LRRC4C: variants seen among roughly 807,000 people sequenced by gnomAD.
The protein encoded by LRRC4C is leucine rich repeat containing 4C, also known as leucine-rich repeat-containing protein 4C.
Under a neutral mutation model 33.6 loss-of-function variants are expected in LRRC4C, and 5 were observed. The observed-to-expected ratio is 0.15, with a 90% CI of 0.08 to 0.31. The LOEUF (loss-of-function observed/expected upper bound fraction) is 0.31. Among genes scored for constraint, LRRC4C ranks in the 10% least tolerant of loss-of-function variants. The probability of loss-of-function intolerance (pLI) is 1.00; values close to 1 mark genes in which losing one functional copy is unlikely to be tolerated. For synonymous variants in LRRC4C, 329 were observed against 302.0 expected, an observed-to-expected ratio of 1.09 and a Z score of -0.93; for missense variants, 560 against 796.7, an observed-to-expected ratio of 0.70 and a Z score of 3.58.
intron 2 of LRRC4C, among the ~76,000 whole-genome samples, chr11:40,894,876 A>G (rs1955870127): frequency 6.6e-6 from 1 of 151,732 alleles, no homozygotes; most frequent in African/African-American, 2.4e-5. Context: ...TACATATTAT[A>G]CTCTGCCTTG....
At chr11:41,363,888 C>A (rs1461806363) in intron 1 of LRRC4C, among the ~76,000 whole-genome samples, 2 of 152,270 alleles carry the variant, frequency 1.3e-5, no homozygotes, top group African/African-American at 4.8e-5. Flanking sequence ...GTCACTTCAA[C>A]ATTAGTCTCA....
chr11:40,275,148 C>T (rs1396017246), intron 4 of LRRC4C, among the ~76,000 whole-genome samples: 1 of 152,118 alleles, frequency 6.6e-6, no homozygotes, highest in East Asian at 1.9e-4. Flanking sequence ...TAACAAGAGT[C>T]TGTCTTTTAA....
Position 40,319,002 on chromosome 11 carries a change from C to T in LRRC4C, c.-176+626G>A, listed in dbSNP as rs186554334. On this transcript the variant is annotated intron_variant, in intron 4 of 6. Coordinates refer to ENST00000528697, the MANE Select transcript of LRRC4C (RefSeq NM_001258419.2). ...TCCATTACCCAGGAGAAATTATCTT[C>T]GTGTGCTGTTAGGTTAAGAAAATCC... Among the ~76,000 whole-genome samples the T allele has an allele frequency of 3.2e-4, 48 of 152,214 alleles. No individual in the cohort carries two copies. The South Asian group carries it at 3.5e-3, about 11-fold the overall frequency.
intron 5 of LRRC4C, among the ~76,000 whole-genome samples, chr11:40,165,374 A>G (rs1565077060): frequency 6.6e-6 from 1 of 152,030 alleles, no homozygotes; most frequent in African/African-American, 2.4e-5. Flanking sequence ...TGAGTGGCAG[A>G]GTGTGTGTAT....
intron 3 of LRRC4C, among the ~76,000 whole-genome samples, chr11:40,410,690 T>C (rs1169943582): frequency 2.0e-5 from 3 of 152,122 alleles, no homozygotes; most frequent in Non-Finnish European, 4.4e-5. Flanking sequence ...CTCATCACCA[T>C]ACTGGTGGCA....
At position 40,184,907 on chromosome 11, in the gene LRRC4C, C is replaced by A. The variant is rs572553205; in HGVS notation, c.-95-44054G>T. 3.9e-5 allele frequency among the ~76,000 whole-genome samples: 6 copies of A among 152,320 alleles called. No homozygotes were observed. In the East Asian group the frequency reaches 1.2e-3, roughly 29 times the overall value. ...CTCACAGGCTGCCTCCTTTCTGCTGCGCTTCCTGCTACAAATCCCTATTTA... is the reference window on the plus strand; with the variant it reads ...CTCACAGGCTGCCTCCTTTCTGCTGAGCTTCCTGCTACAAATCCCTATTTA... On this transcript the variant is annotated intron_variant, in intron 5 of 6. Transcript: ENST00000528697.
intron 1 of LRRC4C, among the ~76,000 whole-genome samples, chr11:40,950,351 G>A (rs940272872): frequency 3.3e-5 from 5 of 152,120 alleles, no homozygotes; most frequent in South Asian, 2.1e-4. Context: ...AATGCTCTCT[G>A]CTATTAGAAA....
intron 3 of LRRC4C, among the ~76,000 whole-genome samples, chr11:40,562,692 G>T (rs925169758): frequency 1.3e-5 from 2 of 152,052 alleles, no homozygotes; most frequent in Non-Finnish European, 2.9e-5. Flanking sequence ...TCTTCAAGAG[G>T]AAACCTGCCC....
chr11:40,476,342 C>CTTTTTT (rs71308392), intron 3 of LRRC4C, among the ~76,000 whole-genome samples: 35 of 81,344 alleles, frequency 4.3e-4, no homozygotes, highest in Non-Finnish European at 5.5e-4. Flanking sequence ...TTTTTTTCTT[C>CTTTTTT]TTTTTTTTTT....
In LRRC4C at chr11:40,205,905, T is replaced by C. The variant is rs148362111; in HGVS notation, c.-96+35614A>G. Among the ~76,000 whole-genome samples, 24 of 152,342 alleles carry C rather than the reference T, an allele frequency of 1.6e-4. No homozygotes were observed. The East Asian group carries it at 4.4e-3, about 28-fold the overall frequency. ...CTTTTTCTTTCTAAAAAGGTATTAC[T>C]TGAGCAATCTCTGTTGCTCCTTTTT... On this transcript the variant is annotated intron_variant, in intron 5 of 6. Transcript: ENST00000528697.
chr11:40,731,990 G>A lies in LRRC4C; in HGVS notation c.-406-83712C>T, dbSNP rs576351686. On this transcript the variant is annotated intron_variant, in intron 2 of 6. Transcript: ENST00000528697. ...TTGAAAAGTTCTTTAAAAAAATCAA[G>A]CAGACAATCTTCTATCCTAGGAACA... Among the ~76,000 whole-genome samples the A allele has an allele frequency of 1.8e-4, 28 of 151,552 alleles. No homozygotes were observed. The South Asian group carries it at 5.0e-3, about 27-fold the overall frequency.
chr11:40,988,786 G>C (rs1213595125), intron 1 of LRRC4C, among the ~76,000 whole-genome samples: 1 of 138,982 alleles, frequency 7.2e-6, no homozygotes, highest in Non-Finnish European at 1.5e-5. Flanking sequence ...GGGAGATCTC[G>C]GCCCACTGCA....
chr11:41,158,989 G>T (rs10430984), intron 1 of LRRC4C, among the ~76,000 whole-genome samples: 7,508 of 152,158 alleles, frequency 0.049, 210 homozygotes, highest in East Asian at 0.07. Context: ...ATTCCTGCAA[G>T]TTAAAACTCA....
intron 2 of LRRC4C, among the ~76,000 whole-genome samples, chr11:40,725,733 T>G (rs1306118308): frequency 6.6e-6 from 1 of 152,180 alleles, no homozygotes. Context: ...TGCCTGTACA[T>G]GCCTACATAT....
intron 1 of LRRC4C, among the ~76,000 whole-genome samples, chr11:41,399,443 C>T (rs1270423713): frequency 6.6e-6 from 1 of 151,886 alleles, no homozygotes; most frequent in East Asian, 1.9e-4. Flanking sequence ...CATGAAATTA[C>T]AGTACAAAGG....
chr11:40,301,904 T>C (rs1335186030), intron 4 of LRRC4C, among the ~76,000 whole-genome samples: 2 of 152,176 alleles, frequency 1.3e-5, no homozygotes, highest in Non-Finnish European at 2.9e-5. Flanking sequence ...TGTAGACTTA[T>C]GAAAAAATCA....
At chr11:41,176,541 G>GA (rs1421700891) in intron 1 of LRRC4C, among the ~76,000 whole-genome samples, 36 of 151,920 alleles carry the variant, frequency 2.4e-4, no homozygotes, top group African/African-American at 8.2e-4. Context: ...ATATAGCAGT[G>GA]AAAAAATACT....
At chr11:41,030,213 G>A (rs1856632978) in intron 1 of LRRC4C, among the ~76,000 whole-genome samples, 1 of 151,868 alleles carries the variant, frequency 6.6e-6, no homozygotes, top group Non-Finnish European at 1.5e-5. Flanking sequence ...GCAGAGCTGT[G>A]CAGAAAACAA....
intron 2 of LRRC4C, among the ~76,000 whole-genome samples, chr11:40,800,701 C>T (rs773346647): frequency 6.6e-6 from 1 of 152,114 alleles, no homozygotes; most frequent in Non-Finnish European, 1.5e-5. Flanking sequence ...CTATACCACA[C>T]TGAATGCCAC....
Sources: allele counts gnomAD v4.1 joint callset (sites outside exome capture counted in the v4.1 genomes callset), GRCh38; gene constraint gnomAD v4.1.1; transcripts MANE v1.5; gene names NCBI Gene and HGNC (gene_info 2026-07-23, HGNC 2026-07-21).